Variants in MED13L observed in about 807,000 individuals in gnomAD.
The protein encoded by MED13L is mediator complex subunit 13L, also known as mediator of RNA polymerase II transcription subunit 13-like.
A neutral mutation model predicts 220.9 loss-of-function variants in MED13L; 7 were observed. The ratio of observed to expected loss-of-function variants is 0.03; its 90% CI spans 0.02 to 0.06. MED13L has a LOEUF of 0.06. Ranked by LOEUF, MED13L falls within the 10% of genes least tolerant of loss-of-function variation. The pLI, the probability that MED13L is intolerant of heterozygous loss-of-function variation, is 1.00. For missense variants in MED13L, 1,965 were observed against 2,760.5 expected (o/e 0.71, Z 6.46); for synonymous variants, 1,011 against 1,015.2 (o/e 1.00, Z 0.08).
intron 23 of MED13L, among the ~76,000 whole-genome samples, chr12:115,979,703 G>A (rs1877194077): frequency 6.6e-6 from 1 of 152,218 alleles, no homozygotes; most frequent in Non-Finnish European, 1.5e-5. Flanking sequence ...GGTGTTTTAA[G>A]GAGCTCTCTT....
At chr12:116,109,268 A>G (rs2137888979) in intron 3 of MED13L, among the ~76,000 whole-genome samples, 1 of 151,624 alleles carries the variant, frequency 6.6e-6, no homozygotes, top group East Asian at 1.9e-4. Flanking sequence ...ACATGGTCTC[A>G]CCATGTTTCC....
intron 2 of MED13L, among the ~76,000 whole-genome samples, chr12:116,147,832 A>G (rs902820422): frequency 6.6e-6 from 1 of 152,022 alleles, no homozygotes; most frequent in Non-Finnish European, 1.5e-5. Context: ...ACTACCCATA[A>G]TATTATTGAG....
At chr12:116,099,591 G>GA (rs1283988870) in intron 3 of MED13L, among the ~76,000 whole-genome samples, 4 of 152,178 alleles carry the variant, frequency 2.6e-5, no homozygotes, top group Non-Finnish European at 1.5e-5. Context: ...CAAGGCTACA[G>GA]AGAGTATAAT....
rs541389916 is a variant in MED13L at position 116,090,434 on chromosome 12, G to A, written c.479+6235C>T. On this transcript the variant is annotated intron_variant, in intron 4 of 30. Transcript: ENST00000281928. The stretch of plus-strand genomic sequence containing the variant: ...GAAGAATGATATCAAATCTCTTGCA[G>A]TGGTGAATACAAGAGTTACTTTCTG... Among the ~76,000 whole-genome samples the A allele has an allele frequency of 2.8e-4, 42 of 152,242 alleles. 1 individual carries two copies. The South Asian group carries it at 6.6e-3, about 24-fold the overall frequency.
intron 1 of MED13L, among the ~76,000 whole-genome samples, chr12:116,265,957 T>C (rs1872799869): frequency 1.3e-5 from 2 of 152,224 alleles, no homozygotes; most frequent in Non-Finnish European, 2.9e-5. Flanking sequence ...CTACAAAGTA[T>C]TATCAGATAT....
At chr12:116,143,330 C>CA (rs776961298) in intron 2 of MED13L, among the ~76,000 whole-genome samples, 1,210 of 81,036 alleles carry the variant, frequency 0.015, 4 homozygotes, top group East Asian at 0.031. Context: ...CACCTTGTCT[C>CA]AAAAAAAAAA....
intron 2 of MED13L, among the ~76,000 whole-genome samples, chr12:116,234,644 G>A (rs1035460973): frequency 1.3e-5 from 2 of 151,940 alleles, no homozygotes; most frequent in Non-Finnish European, 2.9e-5. Context: ...CCTGCTAAAA[G>A]GATTCTGCTA....
chr12:116,255,987 G>A (rs895548006), intron 1 of MED13L, among the ~76,000 whole-genome samples: 2 of 152,148 alleles, frequency 1.3e-5, no homozygotes, highest in African/African-American at 4.8e-5. Context: ...AACACTTGTG[G>A]TTCCAAGCAT....
chr12:116,044,660 G>C (rs919414829), intron 4 of MED13L, among the ~76,000 whole-genome samples: 1 of 152,110 alleles, frequency 6.6e-6, no homozygotes, highest in Non-Finnish European at 1.5e-5. Flanking sequence ...ACTATGACCC[G>C]CAAATAATCA....
intron 2 of MED13L, among the ~76,000 whole-genome samples, chr12:116,201,297 A>G (rs1194076884): frequency 6.6e-6 from 1 of 152,326 alleles, no homozygotes; most frequent in African/African-American, 2.4e-5. Flanking sequence ...TATGTACTGT[A>G]ATACCATATA....
chr12:116,253,571 A>G (rs1177107606), intron 1 of MED13L, among the ~76,000 whole-genome samples: 1 of 152,076 alleles, frequency 6.6e-6, no homozygotes, highest in Admixed American at 6.5e-5. Context: ...ATCAAATCTA[A>G]TAACACGTAA....
intron 4 of MED13L, among the ~76,000 whole-genome samples, chr12:116,088,175 A>G (rs1384255520): frequency 2.0e-5 from 3 of 152,064 alleles, no homozygotes; most frequent in African/African-American, 7.2e-5. Flanking sequence ...CCCTTTTTAA[A>G]CAGTTTGTAG....
intron 2 of MED13L, among the ~76,000 whole-genome samples, chr12:116,231,771 C>T (rs918802011): frequency 2.0e-5 from 3 of 151,962 alleles, no homozygotes; most frequent in African/African-American, 7.3e-5. Flanking sequence ...GGCAAAGGTC[C>T]GTGAAGTCTG....
chr12:116,124,740 A>G (rs1296324620), intron 2 of MED13L, among the ~76,000 whole-genome samples: 1 of 152,218 alleles, frequency 6.6e-6, no homozygotes, highest in South Asian at 2.1e-4. Flanking sequence ...AATTTAAATT[A>G]GAAAAAAGTC....
At chr12:116,177,722 T>C (rs1276973413) in intron 2 of MED13L, among the ~76,000 whole-genome samples, 2 of 152,210 alleles carry the variant, frequency 1.3e-5, no homozygotes, top group Admixed American at 6.5e-5. Context: ...AAGGTAAATC[T>C]GACCTATGAG....
intron 17 of MED13L, among the ~76,000 whole-genome samples, chr12:115,987,493 T>A (rs1877774946): frequency 6.6e-6 from 1 of 152,104 alleles, no homozygotes. Flanking sequence ...TCAACAATAA[T>A]AAAAGGGGAA....
intron 2 of MED13L, among the ~76,000 whole-genome samples, chr12:116,144,590 A>G (rs531127403): frequency 1.3e-5 from 2 of 152,340 alleles, no homozygotes; most frequent in South Asian, 4.1e-4. Flanking sequence ...GACCTACTGT[A>G]GTTTTTACTA....
intron 22 of MED13L, 73 bp downstream of exon 22, chr12:115,982,311 T>C (rs766097452): frequency 4.2e-6 from 6 of 1,443,268 alleles, no homozygotes; most frequent in African/African-American, 1.4e-5. Context: ...AGAAAAATCA[T>C]AGGCCTGTAT....
At chr12:116,221,534 C>A (rs1207553922) in intron 2 of MED13L, among the ~76,000 whole-genome samples, 2 of 152,132 alleles carry the variant, frequency 1.3e-5, no homozygotes, top group Admixed American at 1.3e-4. Flanking sequence ...CCATAAATAT[C>A]TGATTATTTT....
Sources: allele counts gnomAD v4.1 joint callset (sites outside exome capture counted in the v4.1 genomes callset), GRCh38; gene constraint gnomAD v4.1.1; transcripts MANE v1.5; gene names NCBI Gene and HGNC (gene_info 2026-07-23, HGNC 2026-07-21).